Variants in KLF15 observed in about 807,000 individuals in gnomAD.
KLF15 encodes the protein KLF transcription factor 15, also known as Krueppel-like factor 15.
In KLF15, 4 loss-of-function variants were observed where a neutral mutation model predicts 24.6. The observed-to-expected ratio is 0.16, with a 90% confidence interval of 0.08 to 0.37. The LOEUF is 0.37. Ranked by LOEUF, KLF15 falls within the 10% of genes least tolerant of loss-of-function variation. The pLI is 1.00. For missense variants in KLF15, 496 were observed against 560.6 expected, an observed-to-expected ratio of 0.88 and a Z score of 1.16; for synonymous variants, 246 against 236.3, an observed-to-expected ratio of 1.04 and a Z score of -0.37.
At chr3:126,318,915 A>G in the KLF15 span, among the ~76,000 whole-genome samples, 5 of 152,186 alleles carry the variant, frequency 3.3e-5, no homozygotes, top group African/African-American at 9.7e-5. Flanking sequence ...TATGACACAG[A>G]ATAGCATCAC....
chr3:126,317,439 C>T, the KLF15 span, among the ~76,000 whole-genome samples: 2 of 152,130 alleles, frequency 1.3e-5, no homozygotes, highest in South Asian at 2.1e-4. Flanking sequence ...TCAGCAACTT[C>T]GCGATAAGAT....
chr3:126,354,114 G>A (rs2082611868), intron 1 of KLF15: 1 of 152,318 alleles, frequency 6.6e-6, no homozygotes, highest in Non-Finnish European at 1.5e-5. Context: ...TGCCCAGCAG[G>A]GGCTCAGAGA....
At chr3:126,323,491 T>TATATATGTTATATATATATATATAAC in the KLF15 span, among the ~76,000 whole-genome samples, 1 of 23,238 alleles carries the variant, frequency 4.3e-5, no homozygotes, top group Non-Finnish European at 8.1e-5. Flanking sequence ...ATATATAACA[T>TATATATGTTATATATATATATATAAC]ATATATATAT....
chr3:126,316,523 GGGAGGGAGTACATGGGCC>G, the KLF15 span, among the ~76,000 whole-genome samples: 1 of 150,516 alleles, frequency 6.6e-6, no homozygotes, highest in African/African-American at 2.4e-5. Flanking sequence ...AGCTGCAGTG[GGGAGGGAGTACATGGGCC>G]GGAGTGGGGA....
At chr3:126,317,415 C>T in the KLF15 span, among the ~76,000 whole-genome samples, 9 of 152,114 alleles carry the variant, frequency 5.9e-5, no homozygotes, top group Admixed American at 2.0e-4. Context: ...ATAGAAAAAA[C>T]CTGAAACTGG....
At chr3:126,299,744 T>A in the KLF15 span, among the ~76,000 whole-genome samples, 1 of 70,726 alleles carries the variant, frequency 1.4e-5, no homozygotes, top group East Asian at 4.1e-4. Flanking sequence ...CGACACTCCA[T>A]CTCAAAAAAA....
chr3:126,323,419 ATATATATATATATATAACATATATATG>A, the KLF15 span, among the ~76,000 whole-genome samples: 1 of 47,568 alleles, frequency 2.1e-5, no homozygotes, highest in Non-Finnish European at 3.9e-5. Flanking sequence ...ATATATATAT[ATATATATATATATATAACATATATATG>A]TTATATATAT....
chr3:126,345,773 C>G (rs1489350832), intron 2 of KLF15, among the ~76,000 whole-genome samples: 3 of 152,078 alleles, frequency 2.0e-5, no homozygotes, highest in South Asian at 2.1e-4. Flanking sequence ...GCAGAACATG[C>G]TCTGGACAAG....
At chr3:126,353,326 C>T (rs1257341445) in intron 1 of KLF15, among the ~76,000 whole-genome samples, 2 of 152,172 alleles carry the variant, frequency 1.3e-5, no homozygotes, top group Non-Finnish European at 2.9e-5. Context: ...CCACCGTCAA[C>T]ATCATAGGAG....
At position 126,352,744 on chromosome 3, in the gene KLF15, A is replaced by C. The variant is rs145799178; in HGVS notation, c.179T>G (p.Leu60Arg). ...CAGGCCTCCACCATAGCAGGAGCAGAGGGCTTGAGAGTCGGGACTGGAACA... is the reference window on the plus strand; with the variant it reads ...CAGGCCTCCACCATAGCAGGAGCAGCGGGCTTGAGAGTCGGGACTGGAACA... Reference protein sequence around the residue: ...CSCSSPDSQALCSCYGGGLGT... With the variant: ...CSCSSPDSQARCSCYGGGLGT... The change falls in exon 2 of 3, where the codon CTC becomes CGC. Residue 60 changes from leucine to arginine, a missense_variant. Leu to Arg is a moderately radical substitution (Grantham distance 102, BLOSUM62 -2). Coordinates refer to ENST00000296233, the MANE Select transcript of KLF15 (RefSeq NM_014079.4). 15 of 1,572,462 alleles carry C rather than the reference A, an allele frequency of 9.5e-6. No homozygotes were observed. Among genetic ancestry groups the C allele is most frequent in the African/African-American group, 6.8e-5 (5 of 74,028 alleles).
At chr3:126,301,610 CTTTTTTTT>C in the KLF15 span, among the ~76,000 whole-genome samples, 1 of 132,282 alleles carries the variant, frequency 7.6e-6, no homozygotes, top group East Asian at 2.1e-4. Flanking sequence ...TTTTCTTTTT[CTTTTTTTT>C]TTTTTTTTTT....
the KLF15 span, among the ~76,000 whole-genome samples, chr3:126,322,249 GTTA>G: frequency 6.6e-6 from 1 of 151,822 alleles, no homozygotes; most frequent in Admixed American, 6.6e-5. Flanking sequence ...ACAACACTTG[GTTA>G]TTTTCTTACA....
the KLF15 span, among the ~76,000 whole-genome samples, chr3:126,290,061 G>C: frequency 6.6e-6 from 1 of 152,178 alleles, no homozygotes; most frequent in African/African-American, 2.4e-5. Flanking sequence ...GCAGAGTGGA[G>C]ATCTTTAACC....
At chr3:126,333,409 C>G in the KLF15 span, among the ~76,000 whole-genome samples, 9 of 150,698 alleles carry the variant, frequency 6.0e-5, no homozygotes, top group African/African-American at 2.2e-4. Context: ...CCTAAAAGAG[C>G]TCCTGAAGGA....
the KLF15 span, chr3:126,294,109 A>G: frequency 1.3e-5 from 2 of 152,134 alleles, no homozygotes; most frequent in African/African-American, 4.8e-5. Context: ...CCTTCTCTGC[A>G]TTGGACTGAG....
rs533033654 is a variant in KLF15 at position 126,353,321 on chromosome 3, G to A, written c.-25-374C>T. 4.6e-5 allele frequency among the ~76,000 whole-genome samples: 7 copies of A among 152,232 alleles called. No individual in the cohort carries two copies. The South Asian group carries it at 1.2e-3, about 27-fold the overall frequency. ...GGCCAAAGCCCTGAATCAGCCCACC[G>A]TCAACATCATAGGAGTCACTGTACA... On this transcript the variant is annotated intron_variant, in intron 1 of 2. Coordinates refer to ENST00000296233, the MANE Select transcript of KLF15 (RefSeq NM_014079.4).
the KLF15 span, among the ~76,000 whole-genome samples, chr3:126,331,852 G>A: frequency 1.3e-5 from 2 of 152,212 alleles, no homozygotes; most frequent in Non-Finnish European, 2.9e-5. Context: ...AAAGAAAGGG[G>A]TGACGGATGC....
At chr3:126,321,779 A>G in the KLF15 span, among the ~76,000 whole-genome samples, 2 of 152,054 alleles carry the variant, frequency 1.3e-5, no homozygotes, top group African/African-American at 4.8e-5. Context: ...TGGGTGGGCA[A>G]TTGTGGGTCG....
chr3:126,310,693 G>A, the KLF15 span, among the ~76,000 whole-genome samples: 1 of 152,228 alleles, frequency 6.6e-6, no homozygotes, highest in South Asian at 2.1e-4. Flanking sequence ...TTCCATCTGT[G>A]TGTGTCTGTG....
Sources: allele counts gnomAD v4.1 joint callset (sites outside exome capture counted in the v4.1 genomes callset), GRCh38; gene constraint gnomAD v4.1.1; transcripts MANE v1.5; gene names NCBI Gene and HGNC (gene_info 2026-07-23, HGNC 2026-07-21).